Variants in TAAR5 observed in about 807,000 individuals in gnomAD.
The protein encoded by TAAR5 is trace amine-associated receptor 5.
In TAAR5, 27 loss-of-function variants were observed where a neutral mutation model predicts 21.1. The observed-to-expected ratio is 1.28, with a 90% confidence interval of 0.94 to 1.76. The LOEUF (loss-of-function observed/expected upper bound fraction) is 1.76, where lower values mean the gene tolerates loss of function less well. TAAR5 is among the 40% of genes most tolerant of loss of function. The probability of loss-of-function intolerance (pLI) is 0.00; values close to 1 mark genes in which losing one functional copy is unlikely to be tolerated. For missense variants in TAAR5, 495 were observed against 405.6 expected (o/e 1.22, Z -1.89); for synonymous variants, 203 against 167.5 (o/e 1.21, Z -1.64).
chr6:132,589,160 T>C lies in TAAR5; in HGVS notation c.527A>G (p.Glu176Gly). ...TTCCAGCCACTGGCTGAGCCTTGTCTCTACCACATCTGTGTAGAGGAATAA... is the reference window on the plus strand; with the variant it reads ...TTCCAGCCACTGGCTGAGCCTTGTCCCTACCACATCTGTGTAGAGGAATAA... ...TSLFLYTDVV[E>G]TRLSQWLEEM... The change falls in exon 1 of 1, where the codon GAG (glutamate) becomes GGG (glycine). Residue 176 changes from glutamate (E) to glycine (G), a missense_variant. Coordinates refer to ENST00000258034, the MANE Select transcript of TAAR5 (RefSeq NM_003967.3). 1 of 1,609,902 alleles carries C rather than the reference T, an allele frequency of 6.2e-7. No individual in the cohort carries two copies. Among genetic ancestry groups the C allele is most frequent in the Non-Finnish European group, 8.5e-7 (1 of 1,177,962 alleles).
chr6:132,589,092 AT>A lies in TAAR5; in HGVS notation c.594del (p.Lys198AsnfsTer6). 6.2e-7 allele frequency: 1 copy of A among 1,614,054 alleles called. No individual in the cohort carries two copies. The highest frequency in any genetic ancestry group is 8.5e-7 in the Non-Finnish European group (1 of 1,179,982). On this transcript the variant is annotated frameshift_variant, in exon 1 of 1. Coordinates refer to ENST00000258034, the MANE Select transcript of TAAR5 (RefSeq NM_003967.3). LOFTEE classifies it high-confidence loss of function. ...CVGSCQLLLN[K>X]FWGWLNFPLF... ...AAAGGGAAGTTTAACCAGCCCCAAA[AT>A]TTATTGAGCAGCAGCTGGCAACTGC...
chr6:132,602,941 C>T, the TAAR5 span, among the ~76,000 whole-genome samples: 1 of 152,086 alleles, frequency 6.6e-6, no homozygotes, highest in Admixed American at 6.6e-5. Flanking sequence ...TTAACCTCAA[C>T]CTCATTGAGA....
chr6:132,589,859 ACTGAATCAAATGTGCC>A, upstream of TAAR5, among the ~76,000 whole-genome samples: 1 of 151,646 alleles, frequency 6.6e-6, no homozygotes, highest in African/African-American at 2.4e-5. Flanking sequence ...GCCCCTGGGT[ACTGAATCAAATGTGCC>A]CTGAAAATCA....
the TAAR5 span, among the ~76,000 whole-genome samples, chr6:132,612,089 G>A: frequency 6.6e-6 from 1 of 152,060 alleles, no homozygotes; most frequent in Non-Finnish European, 1.5e-5. Context: ...TTTCACCAAG[G>A]AAATGTTGTG....
At chr6:132,589,741 GCAAAAAAAAAAAAAAA>G (rs1776878541), upstream of TAAR5, 10 of 108,232 alleles carry the variant, frequency 9.2e-5, no homozygotes, top group South Asian at 1.4e-3. Flanking sequence ...CCACTGGAGG[GCAAAAAAAAAAAAAAA>G]AAAAAAAAAA....
chr6:132,593,350 A>G (rs1453624574), upstream of TAAR5, among the ~76,000 whole-genome samples: 2 of 152,134 alleles, frequency 1.3e-5, no homozygotes, highest in Non-Finnish European at 2.9e-5. Flanking sequence ...TTTGAGTTTT[A>G]TTTATCTCTG....
At chr6:132,605,411 C>T in the TAAR5 span, among the ~76,000 whole-genome samples, 2 of 152,154 alleles carry the variant, frequency 1.3e-5, no homozygotes, top group South Asian at 2.1e-4. Flanking sequence ...TTACAGCTAT[C>T]GGTTTCATTC....
the TAAR5 span, among the ~76,000 whole-genome samples, chr6:132,611,707 G>A: frequency 5.9e-5 from 9 of 152,158 alleles, no homozygotes; most frequent in Non-Finnish European, 1.2e-4. Context: ...CTTTTTCCCT[G>A]AAGCAGACCC....
the TAAR5 span, among the ~76,000 whole-genome samples, chr6:132,601,059 GGGAAAGAAGGAA>G: frequency 9.1e-5 from 10 of 110,170 alleles, no homozygotes; most frequent in Admixed American, 4.4e-4. Flanking sequence ...GAGGGAAGGA[GGGAAAGAAGGAA>G]GGAAGGAGGG....
chr6:132,605,640 A>G, the TAAR5 span, among the ~76,000 whole-genome samples: 1 of 152,124 alleles, frequency 6.6e-6, no homozygotes, highest in Non-Finnish European at 1.5e-5. Context: ...ACAAACATAC[A>G]CACTGTGAAG....
At chr6:132,609,342 A>T in the TAAR5 span, 1 of 227,100 alleles carries the variant, frequency 4.4e-6, no homozygotes, top group Non-Finnish European at 8.8e-6. Context: ...TCTTAAAATG[A>T]TTCCAGTAAA....
At chr6:132,608,137 T>C in the TAAR5 span, 207,029 of 351,904 alleles carry the variant, frequency 0.59, 62,672 homozygotes, top group African/African-American at 0.8. Flanking sequence ...ATTACTGAAA[T>C]TTAATAGTAT....
upstream of TAAR5, among the ~76,000 whole-genome samples, chr6:132,593,018 G>T (rs1776927911): frequency 6.6e-6 from 1 of 152,164 alleles, no homozygotes; most frequent in African/African-American, 2.4e-5. Context: ...ACTTCAGTGG[G>T]TGAAAGTACT....
the TAAR5 span, among the ~76,000 whole-genome samples, chr6:132,596,437 C>A: frequency 1.3e-5 from 2 of 152,092 alleles, no homozygotes; most frequent in African/African-American, 2.4e-5. Flanking sequence ...TAGGCTAAAA[C>A]TGAATGGTCC....
chr6:132,593,932 A>G (rs775456358), upstream of TAAR5, among the ~76,000 whole-genome samples: 1 of 152,218 alleles, frequency 6.6e-6, no homozygotes, highest in Non-Finnish European at 1.5e-5. Context: ...AGCATGCTCC[A>G]TAACTCAGAC....
At chr6:132,615,677 C>T in the TAAR5 span, among the ~76,000 whole-genome samples, 1 of 151,876 alleles carries the variant, frequency 6.6e-6, no homozygotes, top group Admixed American at 6.6e-5. Context: ...ATCACTCTGT[C>T]ATCCTCACTA....
At chr6:132,614,357 G>A in the TAAR5 span, among the ~76,000 whole-genome samples, 1 of 152,098 alleles carries the variant, frequency 6.6e-6, no homozygotes, top group South Asian at 2.1e-4. Flanking sequence ...TACCAACCTT[G>A]TCAAATGAAT....
At chr6:132,615,770 G>T in the TAAR5 span, among the ~76,000 whole-genome samples, 2 of 151,542 alleles carry the variant, frequency 1.3e-5, no homozygotes, top group African/African-American at 2.4e-5. Context: ...ACCACACCTG[G>T]ATATAACTAC....
chr6:132,601,015 A>G, the TAAR5 span, among the ~76,000 whole-genome samples: 1 of 35,050 alleles, frequency 2.9e-5, no homozygotes, highest in Non-Finnish European at 5.3e-5. Flanking sequence ...GAAGGAAGGA[A>G]GGGGGGAAGG....
Sources: allele counts gnomAD v4.1 joint callset (sites outside exome capture counted in the v4.1 genomes callset), GRCh38; gene constraint gnomAD v4.1.1; transcripts MANE v1.5; gene names NCBI Gene and HGNC (gene_info 2026-07-23, HGNC 2026-07-21).